SAMD13: variants seen among roughly 807,000 people sequenced by gnomAD.
SAMD13 encodes sterile alpha motif domain containing 13.
A neutral mutation model predicts 12.4 loss-of-function variants in SAMD13; 9 were observed. That is an observed-to-expected ratio of 0.72 (90% confidence interval 0.44 to 1.26). The LOEUF (loss-of-function observed/expected upper bound fraction) is 1.26, where lower values mean the gene tolerates loss of function less well. Ranked by LOEUF, SAMD13 falls within the 50% of genes most tolerant of loss-of-function variation. SAMD13 has a pLI of 0.00. For missense variants in SAMD13, 84 were observed against 119.6 expected (o/e 0.70, Z 1.39); for synonymous variants, 46 against 45.4 (o/e 1.01, Z -0.05).
At chr1:84,309,104 C>G (rs1274798508) in intron 2 of SAMD13, among the ~76,000 whole-genome samples, 1 of 152,008 alleles carries the variant, frequency 6.6e-6, no homozygotes. Context: ...ATATATATTG[C>G]AAACTTTTTT....
chr1:84,312,329 T>G (rs1558441537), intron 2 of SAMD13, among the ~76,000 whole-genome samples: 1 of 151,960 alleles, frequency 6.6e-6, no homozygotes, highest in Non-Finnish European at 1.5e-5. Flanking sequence ...ATACCTTCTT[T>G]CGGTCCCTTT....
intron 3 of SAMD13, among the ~76,000 whole-genome samples, chr1:84,342,928 C>T (rs1056792709): frequency 1.7e-4 from 25 of 151,434 alleles, no homozygotes; most frequent in African/African-American, 4.1e-4. Context: ...TAACCTATAG[C>T]GTGGGAGAAA....
At chr1:84,307,078 G>T (rs867045568) in intron 2 of SAMD13, among the ~76,000 whole-genome samples, 2 of 151,956 alleles carry the variant, frequency 1.3e-5, no homozygotes, top group Non-Finnish European at 2.9e-5. Context: ...ATCTGTGCCT[G>T]GGCCTAGTTT....
chr1:84,307,747 A>T (rs758039569), intron 2 of SAMD13, among the ~76,000 whole-genome samples: 1 of 152,174 alleles, frequency 6.6e-6, no homozygotes, highest in Admixed American at 6.6e-5. Context: ...ACAGAGCCGC[A>T]TTTAGACTGA....
At chr1:84,340,456 T>G (rs928149711) in intron 3 of SAMD13, among the ~76,000 whole-genome samples, 7 of 152,278 alleles carry the variant, frequency 4.6e-5, no homozygotes, top group African/African-American at 1.4e-4. Flanking sequence ...AATTTCTTTT[T>G]GAGATGGTGG....
chr1:84,332,879 C>G (rs1570252505), intron 3 of SAMD13, among the ~76,000 whole-genome samples: 1 of 152,050 alleles, frequency 6.6e-6, no homozygotes, highest in African/African-American at 2.4e-5. Flanking sequence ...ATTTAAGTCT[C>G]TAAACTATCT....
At chr1:84,332,907 A>C (rs1679222184) in intron 3 of SAMD13, among the ~76,000 whole-genome samples, 1 of 152,136 alleles carries the variant, frequency 6.6e-6, no homozygotes, top group Non-Finnish European at 1.5e-5. Context: ...ATTTTTATAT[A>C]TGGTGTAAGT....
At chr1:84,346,128 A>G (rs181481441) in intron 3 of SAMD13, among the ~76,000 whole-genome samples, 1 of 152,348 alleles carries the variant, frequency 6.6e-6, no homozygotes, top group African/African-American at 2.4e-5. Context: ...TTCCCCCATC[A>G]CATAGATAAG....
chr1:84,327,218 C>T (rs951136775), intron 3 of SAMD13, among the ~76,000 whole-genome samples: 9 of 151,956 alleles, frequency 5.9e-5, no homozygotes, highest in South Asian at 2.1e-4. Flanking sequence ...ATACACAAAC[C>T]GTGATATATT....
At chr1:84,339,790 G>GCAA (rs1303211407) in intron 3 of SAMD13, among the ~76,000 whole-genome samples, 1 of 152,162 alleles carries the variant, frequency 6.6e-6, no homozygotes, top group East Asian at 1.9e-4. Context: ...AGTCATGTAG[G>GCAA]CAAGAGAGTT....
At chr1:84,329,877 A>G (rs972977025) in intron 3 of SAMD13, among the ~76,000 whole-genome samples, 1 of 152,176 alleles carries the variant, frequency 6.6e-6, no homozygotes, top group South Asian at 2.1e-4. Context: ...GGTCTGTGTC[A>G]TCAGGGTTGC....
intron 3 of SAMD13, among the ~76,000 whole-genome samples, chr1:84,337,549 A>G (rs1266830579): frequency 1.3e-5 from 2 of 152,164 alleles, no homozygotes; most frequent in African/African-American, 2.4e-5. Context: ...TATGCTGCAC[A>G]TAGCATGAGG....
intron 2 of SAMD13, among the ~76,000 whole-genome samples, chr1:84,313,071 A>T (rs558995388): frequency 1.3e-5 from 2 of 152,138 alleles, no homozygotes; most frequent in Non-Finnish European, 2.9e-5. Flanking sequence ...CTACCTAAAT[A>T]ACTAAGATGG....
In SAMD13 at chr1:84,325,341, C is replaced by T. The variant is rs77575724; in HGVS notation, c.54-296C>T. ...GTGTTAGGAAGACAGGAAGAGAGAG[C>T]GGTATGTTGAGGTCATATCGTAAAA... On this transcript the variant is annotated intron_variant, in intron 2 of 3. Transcript: ENST00000394834. Among the ~76,000 whole-genome samples the T allele has an allele frequency of 2.7e-3, 413 of 151,984 alleles. 1 individual carries two copies. The highest frequency in any genetic ancestry group is 4.9e-3 in the Non-Finnish European group (334 of 67,966).
At chr1:84,322,782 A>C (rs979008225) in intron 2 of SAMD13, among the ~76,000 whole-genome samples, 60 of 151,998 alleles carry the variant, frequency 3.9e-4, no homozygotes, top group African/African-American at 1.4e-3. Flanking sequence ...CGTTGCTGCT[A>C]TTCATGGTAC....
intron 3 of SAMD13, among the ~76,000 whole-genome samples, chr1:84,346,755 C>T (rs1679543888): frequency 6.6e-6 from 1 of 152,188 alleles, no homozygotes. Flanking sequence ...AAATTATTAG[C>T]TTTCTTAATC....
upstream of SAMD13, chr1:84,299,559 ACACT>A (rs1678396552): frequency 3.4e-6 from 5 of 1,461,042 alleles, no homozygotes; most frequent in South Asian, 1.4e-5. Flanking sequence ...TGCACACATC[ACACT>A]CACATACTTT....
intron 3 of SAMD13, among the ~76,000 whole-genome samples, chr1:84,347,744 C>G (rs182967791): frequency 1.5e-3 from 225 of 152,306 alleles, no homozygotes; most frequent in African/African-American, 5.2e-3. Flanking sequence ...CTCACAGTGT[C>G]TTCAGCACGG....
chr1:84,339,406 T>C (rs1380294989), intron 3 of SAMD13, among the ~76,000 whole-genome samples: 1 of 152,138 alleles, frequency 6.6e-6, no homozygotes, highest in Non-Finnish European at 1.5e-5. Flanking sequence ...GCTTTGATTG[T>C]GGTATAAGGT....
Sources: allele counts gnomAD v4.1 joint callset (sites outside exome capture counted in the v4.1 genomes callset), GRCh38; gene constraint gnomAD v4.1.1; transcripts MANE v1.5; gene names NCBI Gene and HGNC (gene_info 2026-07-23, HGNC 2026-07-21).